The following BARHL2 variants were observed in gnomAD, a reference collection of about 807,000 sequenced individuals.
BARHL2 encodes the protein BarH like homeobox 2, also known as barH-like 2 homeobox protein.
A neutral mutation model predicts 27.1 loss-of-function variants in BARHL2; 10 were observed. The observed-to-expected ratio is 0.37, with a 90% confidence interval of 0.23 to 0.63. The LOEUF is 0.63. BARHL2 is among the 20% of genes least tolerant of loss of function. BARHL2 has a pLI of 0.65. For synonymous variants in BARHL2, 248 were observed against 224.7 expected, an observed-to-expected ratio of 1.10 and a Z score of -0.93; for missense variants, 483 against 533.5, an observed-to-expected ratio of 0.91 and a Z score of 0.93.
intron 1 of BARHL2, 83 bp downstream of exon 1, chr1:90,716,488 A>C: frequency 1.4e-6 from 2 of 1,433,566 alleles, no homozygotes; most frequent in Non-Finnish European, 2.0e-6. Flanking sequence ...GCTCCCCAGC[A>C]GAGATCTGCT....
intron 2 of BARHL2, 96 bp downstream of exon 2, chr1:90,714,435 C>A (rs1658101650): frequency 2.4e-6 from 3 of 1,240,506 alleles, no homozygotes; most frequent in African/African-American, 1.5e-5. Flanking sequence ...ACTCTCAGTC[C>A]TTAGAGTCTC....
In BARHL2 at chr1:90,712,313, C is replaced by T. The variant is rs1194961881; in HGVS notation, c.1163G>A (p.Ter388=). ...SPIPGTPHPR[*] Reference sequence around the variant, plus strand: ...TGCAGTGCCTTCGCTGCAATGTTTTCACCGGGGGTGTGGGGTGCCTGGGAT... The same window carrying T: ...TGCAGTGCCTTCGCTGCAATGTTTTTACCGGGGGTGTGGGGTGCCTGGGAT... Residue 388 remains the stop codon, a stop_retained_variant, in exon 3 of 3, where the codon TGA becomes TAA. Transcript: ENST00000370445. 6 of 1,457,370 alleles carry T rather than the reference C, an allele frequency of 4.1e-6. No individual in the cohort carries two copies. Among genetic ancestry groups the T allele is most frequent in the East Asian group, 2.5e-5 (1 of 40,046 alleles). The allele number at this position is 1,457,370 out of a possible 1,614,324, so 90.3% of individuals were successfully genotyped here. A position where few individuals can be genotyped will look rare whatever the true frequency, so the allele number is the denominator to read the frequency against.
At position 90,717,008 on chromosome 1, in the gene BARHL2, G is replaced by A; in HGVS notation, c.188C>T (p.Ser63Phe). 6.2e-7 allele frequency: 1 copy of A among 1,613,888 alleles called. No homozygotes were observed. Among genetic ancestry groups the A allele is most frequent in the African/African-American group, 1.3e-5 (1 of 75,008 alleles). Residue 63 changes from serine (S) to phenylalanine (F), a missense_variant, in exon 1 of 3, where the codon TCT (serine) becomes TTT (phenylalanine). Transcript: ENST00000370445. ...SEIDTVGTAPSSPISVTMEPP... is the reference protein window; with the variant it reads ...SEIDTVGTAPFSPISVTMEPP... ...CTCCATGGTGACTGAGATAGGAGAA[G>A]AAGGCGCCGTCCCTACGGTATCAAT...
At chr1:90,715,739 T>A (rs1658130039) in intron 1 of BARHL2, among the ~76,000 whole-genome samples, 1 of 152,214 alleles carries the variant, frequency 6.6e-6, no homozygotes, top group Admixed American at 6.5e-5. Flanking sequence ...TCTCCTGGTA[T>A]GTTAAAACTT....
At chr1:90,713,255 G>A (rs1244315728) in intron 2 of BARHL2, among the ~76,000 whole-genome samples, 1 of 152,150 alleles carries the variant, frequency 6.6e-6, no homozygotes, top group African/African-American at 2.4e-5. Flanking sequence ...TTCATTTGAG[G>A]GAGGGTTCTC....
At chr1:90,713,868 C>T (rs1023834207) in intron 2 of BARHL2, among the ~76,000 whole-genome samples, 4 of 152,220 alleles carry the variant, frequency 2.6e-5, no homozygotes, top group African/African-American at 7.2e-5. Flanking sequence ...GTTGAGACAG[C>T]AGAGGCAGCC....
At position 90,716,180 on chromosome 1, in the gene BARHL2, G is replaced by A. The variant is rs548730443; in HGVS notation, c.625+391C>T. ...CCAGGTTGTGATCACACCCACGCTA[G>A]CTAAGTGGTTTCTCTCTCCTACCTC... On this transcript the variant is annotated intron_variant, in intron 1 of 2. Coordinates refer to ENST00000370445, the MANE Select transcript of BARHL2 (RefSeq NM_020063.2). Among the ~76,000 whole-genome samples, 15 of 151,908 alleles carry A rather than the reference G, an allele frequency of 9.9e-5. No homozygotes were observed. In the East Asian group the frequency reaches 2.7e-3, roughly 28 times the overall value.
At chr1:90,712,667 T>C (rs1658061272) in intron 2 of BARHL2, 43 bp from the exon 3 acceptor site, 2 of 1,547,646 alleles carry the variant, frequency 1.3e-6, no homozygotes, top group South Asian at 1.2e-5. Context: ...GCTGTGGGCA[T>C]GGTCCAGGCA....
Position 90,716,865 on chromosome 1 carries a change from G to C in BARHL2, c.331C>G (p.Gln111Glu). 6.4e-7 allele frequency: 1 copy of C among 1,566,722 alleles called. No homozygotes were observed. Among genetic ancestry groups the C allele is most frequent in the Non-Finnish European group, 8.6e-7 (1 of 1,156,874 alleles). ...TGCTGTGGCGGCAGCGGCTGCTGCT[G>C]TTGGGGCAAAGGCTGCAAACTTTGC... The part of the protein sequence containing the change: ...PTQSLQPLPQ[Q>E]QQPLPPQQPP... Residue 111 changes from glutamine (Q) to glutamate (E), a missense_variant, in exon 1 of 3, where the codon CAG becomes GAG. This residue lies in a region of BARHL2 where 304 missense variants were observed against 284.9 expected (regional missense o/e 1.07). Transcript: ENST00000370445.
chr1:90,711,666 A>G lies in BARHL2; in HGVS notation c.*646T>C, dbSNP rs201356817. 3 of 152,240 alleles carry G rather than the reference A, an allele frequency of 2.0e-5. No individual in the cohort carries two copies. Among genetic ancestry groups the G allele is most frequent in the East Asian group, 1.9e-4 (1 of 5,196 alleles). 9.4% of individuals were successfully genotyped at this position (152,240 alleles called of 1,614,324 possible). ...AAAAATCATGTTTTTACTAACGTAT[A>G]TAAGTGACTCTTTTTGGACAACATA... On this transcript the variant is annotated 3_prime_UTR_variant, in exon 3 of 3. Transcript: ENST00000370445.
rs1297154729 is a variant in BARHL2, at chr1:90,712,239, G to A, written c.*73C>T. 2 of 1,387,550 alleles carry A rather than the reference G, an allele frequency of 1.4e-6. No individual in the cohort carries two copies. The highest frequency in any genetic ancestry group is 1.6e-5 in the South Asian group (1 of 61,224). 86.0% of individuals were successfully genotyped at this position (1,387,550 alleles called of 1,614,324 possible). A position where few individuals can be genotyped will look rare whatever the true frequency, so the allele number is the denominator to read the frequency against. Reference sequence around the variant, plus strand: ...AGGGAGGCCTAGTGGCCTGGAGCAGGGAGAGGACGGGCAGCAGTCCGGGTT... The same window carrying A: ...AGGGAGGCCTAGTGGCCTGGAGCAGAGAGAGGACGGGCAGCAGTCCGGGTT... On this transcript the variant is annotated 3_prime_UTR_variant, in exon 3 of 3. Coordinates refer to ENST00000370445, the MANE Select transcript of BARHL2 (RefSeq NM_020063.2).
Position 90,716,893 on chromosome 1 carries a change from C to T in BARHL2, c.303G>A (p.Pro101=), listed in dbSNP as rs1405409789. The change falls in exon 1 of 3, where the codon CCG becomes CCA. Residue 101 remains proline, a synonymous_variant. Transcript: ENST00000370445. ...SQQPPPPAAA[P]TQSLQPLPQQ... is the part of the protein sequence containing the mutation. Reference sequence around the variant, plus strand: ...GGGGCAAAGGCTGCAAACTTTGCGTCGGGGCCGCGGCCGGCGGCGGCGGCT... The same window carrying T: ...GGGGCAAAGGCTGCAAACTTTGCGTTGGGGCCGCGGCCGGCGGCGGCGGCT... The T allele has an allele frequency of 3.8e-6, 6 of 1,595,264 alleles. No homozygotes were observed. The highest frequency in any genetic ancestry group is 5.1e-6 in the Non-Finnish European group (6 of 1,172,152).
rs1570606111 is a variant in BARHL2 at position 90,712,280 on chromosome 1, G to T, written c.*32C>A. Reference sequence around the variant, plus strand: ...AGTCCGGGTTGGGCAGGGATATGGGGAAGGGATTGCAGTGCCTTCGCTGCA... The same window carrying T: ...AGTCCGGGTTGGGCAGGGATATGGGTAAGGGATTGCAGTGCCTTCGCTGCA... On this transcript the variant is annotated 3_prime_UTR_variant, in exon 3 of 3. Transcript: ENST00000370445. 7.0e-7 allele frequency: 1 copy of T among 1,434,022 alleles called. No individual in the cohort carries two copies. Among genetic ancestry groups the T allele is most frequent in the Non-Finnish European group, 9.1e-7 (1 of 1,092,940 alleles). The allele number at this position is 1,434,022 out of a possible 1,614,324, so 88.8% of individuals were successfully genotyped here.
At position 90,712,233 on chromosome 1, in the gene BARHL2, G is replaced by A; in HGVS notation, c.*79C>T. On this transcript the variant is annotated 3_prime_UTR_variant, in exon 3 of 3. Transcript: ENST00000370445. ...GCTGCAAGGGAGGCCTAGTGGCCTG[G>A]AGCAGGGAGAGGACGGGCAGCAGTC... is the stretch of plus-strand genomic sequence containing the variant. 1 of 1,376,736 alleles carries A rather than the reference G, an allele frequency of 7.3e-7. No homozygotes were observed. The highest frequency in any genetic ancestry group is 1.5e-5 in the African/African-American group (1 of 68,796). The allele number at this position is 1,376,736 out of a possible 1,614,324, so 85.3% of individuals were successfully genotyped here.
chr1:90,716,111 T>A (rs1658138364), intron 1 of BARHL2, among the ~76,000 whole-genome samples: 1 of 81,984 alleles, frequency 1.2e-5, no homozygotes, highest in African/African-American at 4.3e-5. Context: ...GTTAAGAAAA[T>A]AAAGTGGGGG....
rs1344351860 is a variant in BARHL2, at chr1:90,712,733, G to A, written c.852-109C>T. Reference sequence around the variant, plus strand: ...CTGCCTCCTCCTTCATTCTCCCTGGGTGGCAGGAAGACTCAGAGACCTCTT... The same window carrying A: ...CTGCCTCCTCCTTCATTCTCCCTGGATGGCAGGAAGACTCAGAGACCTCTT... On this transcript the variant is annotated intron_variant, in intron 2 of 2. Coordinates refer to ENST00000370445, the MANE Select transcript of BARHL2 (RefSeq NM_020063.2). 4.4e-6 allele frequency: 5 copies of A among 1,143,490 alleles called. No individual in the cohort carries two copies. In the African/African-American group the frequency reaches 6.3e-5, roughly 14 times the overall value. 70.8% of individuals were successfully genotyped at this position (1,143,490 alleles called of 1,614,324 possible).
chr1:90,716,824 G>GGGCGGC lies in BARHL2; in HGVS notation c.366_371dup (p.Pro124_Pro125dup). ...AGGCGGCCGAGCCCAGCTGCTGGGG[G>GGGCGGC]GGCGGCGGCGGCGGCTGCTGTGGCG... On this transcript the variant is annotated inframe_insertion, in exon 1 of 3. Transcript: ENST00000370445. The GGGCGGC allele has an allele frequency of 6.4e-7, 1 of 1,552,242 alleles. No homozygotes were observed. The highest frequency in any genetic ancestry group is 8.7e-7 in the Non-Finnish European group (1 of 1,147,708).
chr1:90,713,751 C>G (rs1352741877), intron 2 of BARHL2, among the ~76,000 whole-genome samples: 1 of 152,226 alleles, frequency 6.6e-6, no homozygotes. Flanking sequence ...CCAGGTTCCA[C>G]TCTACACTTC....
chr1:90,712,611 G>A lies in BARHL2; in HGVS notation c.865C>T (p.Arg289Trp), dbSNP rs778940530. 6 of 1,606,422 alleles carry A rather than the reference G, an allele frequency of 3.7e-6. No individual in the cohort carries two copies. The highest frequency in any genetic ancestry group is 1.7e-4 in the Middle Eastern group (1 of 5,924). The change falls in exon 3 of 3, where the codon CGG (arginine) becomes TGG (tryptophan). Residue 289 changes from arginine (R) to tryptophan (W), a missense_variant. Physicochemically the swap from Arg to Trp is moderately radical, Grantham distance 101. Coordinates refer to ENST00000370445, the MANE Select transcript of BARHL2 (RefSeq NM_020063.2). ...AACTCCAGGCCCACCGCTGTCTGCC[G>A]CTTCCACTTGGTCCTGAAAGAAAGC... ...WYQNRRTKWKRQTAVGLELLA... is the reference protein window; with the variant it reads ...WYQNRRTKWKWQTAVGLELLA...
Sources: gnomAD v4.1 joint callset for allele counts (sites outside exome capture counted in the v4.1 genomes callset) on GRCh38, gnomAD v4.1.1 for gene constraint, gnomAD v4.1.1 regional missense constraint, MANE v1.5 for transcripts, NCBI Gene and HGNC (gene_info 2026-07-23, HGNC 2026-07-21) for gene names.